CSRNP3: variants seen among roughly 807,000 people sequenced by gnomAD.
The protein encoded by CSRNP3 is cysteine and serine rich nuclear protein 3.
A neutral mutation model predicts 48.0 loss-of-function variants in CSRNP3; 12 were observed. That is an observed-to-expected ratio of 0.25 (90% CI 0.16 to 0.41). The LOEUF (loss-of-function observed/expected upper bound fraction) is 0.41, where lower values mean the gene tolerates loss of function less well. Among genes scored for constraint, CSRNP3 ranks in the 10% least tolerant of loss-of-function variants. The pLI is 1.00. For synonymous variants in CSRNP3, 263 were observed against 269.7 expected (o/e 0.98, Z 0.24); for missense variants, 580 against 724.4 (o/e 0.80, Z 2.29).
rs1351906364 is a variant in CSRNP3, at chr2:165,598,009, C to T, written c.148+2796C>T. ...TGGCAGTGATATTTAGAAAGCACTT[C>T]GGAAATACAAGAGCCATAAAAGCAT... On this transcript the variant is annotated intron_variant, in intron 4 of 6. Coordinates refer to ENST00000651982, the MANE Select transcript of CSRNP3 (RefSeq NM_001172173.2). 7.2e-5 allele frequency among the ~76,000 whole-genome samples: 11 copies of T among 151,982 alleles called. No individual in the cohort carries two copies. In the South Asian group the frequency reaches 8.3e-4, roughly 11 times the overall value.
chr2:165,540,809 C>G (rs1260668737), intron 3 of CSRNP3, among the ~76,000 whole-genome samples: 4 of 152,156 alleles, frequency 2.6e-5, no homozygotes, highest in African/African-American at 9.6e-5. Context: ...ATGGCCCTGT[C>G]TGGAAGGGAC....
chr2:165,625,524 C>A (rs973328930), intron 4 of CSRNP3, among the ~76,000 whole-genome samples: 1 of 151,254 alleles, frequency 6.6e-6, no homozygotes, highest in African/African-American at 2.4e-5. Flanking sequence ...ATCCCAGCTA[C>A]TTGGGAAGCT....
intron 3 of CSRNP3, among the ~76,000 whole-genome samples, chr2:165,540,190 G>A (rs1211984342): frequency 6.6e-6 from 1 of 152,038 alleles, no homozygotes; most frequent in African/African-American, 2.4e-5. Flanking sequence ...GCATTGAATA[G>A]GCTGTTGAAC....
At chr2:165,529,244 CA>C (rs924929327) in intron 3 of CSRNP3, among the ~76,000 whole-genome samples, 9 of 152,248 alleles carry the variant, frequency 5.9e-5, no homozygotes, top group East Asian at 1.9e-4. Context: ...TGGGAGGGGC[CA>C]GGGGCGAAAT....
Position 165,665,544 on chromosome 2 carries a change from G to A in CSRNP3, c.408+7524G>A, listed in dbSNP as rs140972706. On this transcript the variant is annotated intron_variant, in intron 5 of 6. Coordinates refer to ENST00000651982, the MANE Select transcript of CSRNP3 (RefSeq NM_001172173.2). ...GGGAGGCAGAGGCTGGAGAATTGCT[G>A]GAGGCCGGGAGTTAAAGACCAGCCT... Among the ~76,000 whole-genome samples the A allele has an allele frequency of 5.0e-3, 755 of 152,080 alleles. 6 individuals are homozygous for A. The highest frequency in any genetic ancestry group is 0.01 in the Middle Eastern group (3 of 294).
chr2:165,594,235 A>G (rs943784697), intron 3 of CSRNP3, among the ~76,000 whole-genome samples: 1 of 152,222 alleles, frequency 6.6e-6, no homozygotes, highest in African/African-American at 2.4e-5. Context: ...GATCACATAC[A>G]TGTATCTAAG....
At chr2:165,620,535 A>G (rs1462047382) in intron 4 of CSRNP3, among the ~76,000 whole-genome samples, 2 of 152,288 alleles carry the variant, frequency 1.3e-5, no homozygotes, top group East Asian at 3.9e-4. Context: ...GAAATGTCTA[A>G]CAGGGCTGGA....
intron 3 of CSRNP3, among the ~76,000 whole-genome samples, chr2:165,559,891 C>T (rs1457303803): frequency 6.7e-6 from 1 of 149,774 alleles, no homozygotes; most frequent in African/African-American, 2.5e-5. Flanking sequence ...GCTCTGCCTC[C>T]TGGGTTCATG....
rs144599529 is a variant in CSRNP3, at chr2:165,626,620, C to T, written c.149-31141C>T. On this transcript the variant is annotated intron_variant, in intron 4 of 6. Coordinates refer to ENST00000651982, the MANE Select transcript of CSRNP3 (RefSeq NM_001172173.2). ...TGCTATAACATGCAGTTTCTTTTGC[C>T]ACTCTCCAAGCAGGTCAGTACAGAC... 1.6e-3 allele frequency among the ~76,000 whole-genome samples: 238 copies of T among 152,268 alleles called. 1 individual carries two copies. The highest frequency in any genetic ancestry group is 5.8e-3 in the South Asian group (28 of 4,826).
At chr2:165,616,316 T>TG (rs2105314628) in intron 4 of CSRNP3, among the ~76,000 whole-genome samples, 1 of 152,342 alleles carries the variant, frequency 6.6e-6, no homozygotes, top group South Asian at 2.1e-4. Context: ...ACATTTAATT[T>TG]GTTTCTCATT....
chr2:165,607,548 A>G (rs1479011807), intron 4 of CSRNP3, among the ~76,000 whole-genome samples: 1 of 152,214 alleles, frequency 6.6e-6, no homozygotes, highest in Non-Finnish European at 1.5e-5. Context: ...TGTGCTATAA[A>G]TACACTATCA....
chr2:165,581,022 C>CTT (rs1228520804), intron 3 of CSRNP3, among the ~76,000 whole-genome samples: 2 of 152,156 alleles, frequency 1.3e-5, no homozygotes, highest in African/African-American at 2.4e-5. Context: ...TTACACTAGG[C>CTT]ACTTGATCAA....
At chr2:165,548,274 G>C (rs190664807) in intron 3 of CSRNP3, among the ~76,000 whole-genome samples, 1 of 151,978 alleles carries the variant, frequency 6.6e-6, no homozygotes, top group African/African-American at 2.4e-5. Flanking sequence ...GTCTTAACAT[G>C]ATTGGATTCC....
At chr2:165,626,602 AC>A (rs543144611) in intron 4 of CSRNP3, among the ~76,000 whole-genome samples, 3 of 152,198 alleles carry the variant, frequency 2.0e-5, no homozygotes, top group Admixed American at 6.5e-5. Context: ...CATTGCTATA[AC>A]ATGCAGTTTC....
intron 6 of CSRNP3, among the ~76,000 whole-genome samples, 168 bp from the exon 7 acceptor site, chr2:165,678,533 C>T (rs559374160): frequency 6.6e-6 from 1 of 152,218 alleles, no homozygotes; most frequent in African/African-American, 2.4e-5. Flanking sequence ...TGTTTTAAGC[C>T]CTCACTTTCC....
chr2:165,595,014 A>G (rs1344001638), intron 3 of CSRNP3, 29 bp from the exon 4 acceptor site: 1 of 1,595,936 alleles, frequency 6.3e-7, no homozygotes, highest in Non-Finnish European at 8.6e-7. Flanking sequence ...AAATATTTCA[A>G]TGCTCTGTTG....
chr2:165,633,669 T>G (rs755078045), intron 4 of CSRNP3, among the ~76,000 whole-genome samples: 20 of 152,238 alleles, frequency 1.3e-4, no homozygotes, highest in Non-Finnish European at 2.8e-4. Context: ...AGCTATTACA[T>G]GTTGAATACT....
At chr2:165,598,529 T>A (rs1317551929) in intron 4 of CSRNP3, among the ~76,000 whole-genome samples, 1 of 152,220 alleles carries the variant, frequency 6.6e-6, no homozygotes, top group Non-Finnish European at 1.5e-5. Flanking sequence ...TTATCTTGTG[T>A]TTATGTTTGC....
At chr2:165,637,615 T>C (rs1022409100) in intron 4 of CSRNP3, among the ~76,000 whole-genome samples, 1 of 152,240 alleles carries the variant, frequency 6.6e-6, no homozygotes, top group African/African-American at 2.4e-5. Context: ...TTATGCTTAA[T>C]GGAGTTTTGA....
Sources: allele counts gnomAD v4.1 joint callset (sites outside exome capture counted in the v4.1 genomes callset), GRCh38; gene constraint gnomAD v4.1.1; transcripts MANE v1.5; gene names NCBI Gene and HGNC (gene_info 2026-07-23, HGNC 2026-07-21).